Variants in GTF3A observed in about 807,000 individuals in gnomAD.
The protein encoded by GTF3A is general transcription factor IIIA, also known as transcription factor IIIA.
A neutral mutation model predicts 37.6 loss-of-function variants in GTF3A; 40 were observed. The ratio of observed to expected loss-of-function variants is 1.06; its 90% CI spans 0.83 to 1.38. The LOEUF is 1.38. Ranked by LOEUF, GTF3A falls within the 40% of genes most tolerant of loss-of-function variation. The pLI, the probability that GTF3A is intolerant of heterozygous loss-of-function variation, is 0.00. For missense variants in GTF3A, 500 were observed against 462.6 expected (o/e 1.08, Z -0.74); for synonymous variants, 191 against 166.7 (o/e 1.15, Z -1.12).
chr13:27,434,338 T>C (rs908674715), intron 6 of GTF3A, 119 bp downstream of exon 6: 17 of 706,618 alleles, frequency 2.4e-5, no homozygotes, highest in Middle Eastern at 2.4e-4. Context: ...CTATGATATT[T>C]TGTGAAGTGC....
intron 1 of GTF3A, chr13:27,426,193 C>G (rs1953604290): frequency 1.3e-5 from 2 of 152,258 alleles, no homozygotes; most frequent in Middle Eastern, 3.2e-3. Context: ...ATTTTGGATA[C>G]TGGCGCTACC....
intron 1 of GTF3A, 66 bp from the exon 2 acceptor site, chr13:27,427,026 C>G: frequency 1.2e-6 from 1 of 851,866 alleles, no homozygotes; most frequent in South Asian, 1.4e-5. Context: ...GCAGTTTAAG[C>G]TTTTAAATAA....
At chr13:27,428,766 T>TGAAATACA (rs1157536637) in intron 2 of GTF3A, among the ~76,000 whole-genome samples, 2 of 152,220 alleles carry the variant, frequency 1.3e-5, no homozygotes, top group Non-Finnish European at 2.9e-5. Context: ...CTTGTGCGAC[T>TGAAATACA]GAAATACAGA....
At position 27,424,729 on chromosome 13, in the gene GTF3A, G is replaced by A. The variant is rs1015054738; in HGVS notation, c.-9G>A. The A allele has an allele frequency of 6.9e-7, 1 of 1,438,938 alleles. No individual in the cohort carries two copies. The highest frequency in any genetic ancestry group is 9.1e-7 in the Non-Finnish European group (1 of 1,099,986). The allele number at this position is 1,438,938 out of a possible 1,614,324, so 89.1% of individuals were successfully genotyped here. A position where few individuals can be genotyped will look rare whatever the true frequency, so the allele number is the denominator to read the frequency against. On this transcript the variant is annotated 5_prime_UTR_variant, in exon 1 of 9. Coordinates refer to ENST00000381140, the MANE Select transcript of GTF3A (RefSeq NM_002097.3). ...CGCGCCTGGCCCTGGGCTTGGAGGC[G>A]CCGGCGCCCTGGATCCGCCGGCCGT...
At position 27,424,844 on chromosome 13, in the gene GTF3A, T is replaced by C. The variant is rs1395315431; in HGVS notation, c.107T>C (p.Leu36Pro). ...GCTCCGACCCCGCCGCGCCCCGCGC[T>C]TCCCAGGAGGTTCATCTGCTCCTTC... Residue 36 changes from leucine (L) to proline (P), a missense_variant, in exon 1 of 9, where the codon CTT (leucine) becomes CCT (proline). Physicochemically the swap from Leu to Pro is moderately conservative, Grantham distance 98. Transcript: ENST00000381140. 5.2e-6 allele frequency: 8 copies of C among 1,550,814 alleles called. No individual in the cohort carries two copies. The highest frequency in any genetic ancestry group is 7.0e-6 in the Non-Finnish European group (8 of 1,146,790).
At chr13:27,425,300 G>A (rs1035747305) in intron 1 of GTF3A, 13 of 236,364 alleles carry the variant, frequency 5.5e-5, no homozygotes, top group African/African-American at 2.9e-4. Flanking sequence ...TGTACCAGGG[G>A]TCGTGAAAGC....
rs772052797 is a variant in GTF3A at position 27,435,762 on chromosome 13, T to A, written c.*165T>A. ...CCTGGGTCTCTTGAGTTTCTTTATA[T>A]GCCTTCTCCTCATTTTTGCTGAAAG... On this transcript the variant is annotated 3_prime_UTR_variant, in exon 9 of 9. Coordinates refer to ENST00000381140, the MANE Select transcript of GTF3A (RefSeq NM_002097.3). The A allele has an allele frequency of 5.6e-6, 9 of 1,614,062 alleles. No homozygotes were observed. The Admixed American group carries it at 8.3e-5, about 15-fold the overall frequency.
At chr13:27,435,229 G>T (rs773963403) in intron 8 of GTF3A, 37 bp downstream of exon 8, 1 of 1,539,770 alleles carries the variant, frequency 6.5e-7, no homozygotes, top group Non-Finnish European at 8.8e-7. Context: ...TAGTTTTCAA[G>T]TGGAAATTGT....
intron 1 of GTF3A, chr13:27,425,363 C>G (rs1953596514): frequency 6.0e-6 from 1 of 166,356 alleles, no homozygotes; most frequent in South Asian, 1.6e-4. Flanking sequence ...GTGAGCAAAA[C>G]AGGCAAACCC....
chr13:27,430,763 CT>C, intron 4 of GTF3A, 142 bp downstream of exon 4: 1 of 602,856 alleles, frequency 1.7e-6, no homozygotes, highest in East Asian at 2.8e-5. Context: ...CCTTTGCCCA[CT>C]TTTCGATGGA....
intron 4 of GTF3A, among the ~76,000 whole-genome samples, chr13:27,431,805 C>T (rs1026623177): frequency 6.6e-6 from 1 of 152,214 alleles, no homozygotes; most frequent in Non-Finnish European, 1.5e-5. Context: ...GACAAATCTT[C>T]TGAAAGCTTC....
At position 27,427,141 on chromosome 13, in the gene GTF3A, A is replaced by G; in HGVS notation, c.251A>G (p.Asp84Gly). 6.2e-7 allele frequency: 1 copy of G among 1,608,602 alleles called. No individual in the cohort carries two copies. Among genetic ancestry groups the G allele is most frequent in the Non-Finnish European group, 8.5e-7 (1 of 1,175,478 alleles). The stretch of plus-strand genomic sequence containing the variant: ...GGGTGTGGCAAGGCCTTCATCAGGG[A>G]CTACCATCTGAGCCGCCACATTCTG... The change falls in exon 2 of 9, where the codon GAC (aspartate) becomes GGC (glycine). Residue 84 changes from aspartate to glycine, a missense_variant. Transcript: ENST00000381140.
chr13:27,433,104 T>C (rs1185569850), intron 5 of GTF3A, among the ~76,000 whole-genome samples: 1 of 152,014 alleles, frequency 6.6e-6, no homozygotes, highest in Non-Finnish European at 1.5e-5. Context: ...ATTTTTAACC[T>C]CTTCTATTAA....
rs746093903 is a variant in GTF3A, at chr13:27,434,889, G to C, written c.728G>C (p.Arg243Thr). The C allele has an allele frequency of 1.9e-6, 3 of 1,612,906 alleles. No individual in the cohort carries two copies. The highest frequency in any genetic ancestry group is 2.5e-6 in the Non-Finnish European group (3 of 1,178,912). ...CACATGAAAACTCATGCCCCAGAAA[G>C]GGATGTATGTCGCTGTCCAAGAGAA... The change falls in exon 7 of 9, where the codon AGG becomes ACG. Residue 243 changes from arginine (R) to threonine (T), a missense_variant. Physicochemically the swap from Arg to Thr is moderately conservative, Grantham distance 71. Coordinates refer to ENST00000381140, the MANE Select transcript of GTF3A (RefSeq NM_002097.3).
intron 5 of GTF3A, among the ~76,000 whole-genome samples, chr13:27,433,249 A>G (rs1357796932): frequency 6.6e-6 from 1 of 150,420 alleles, no homozygotes; most frequent in Non-Finnish European, 1.5e-5. Flanking sequence ...TAACTATTTG[A>G]ATCTATGATC....
intron 5 of GTF3A, among the ~76,000 whole-genome samples, 200 bp from the exon 6 acceptor site, chr13:27,433,939 G>A (rs933743756): frequency 3.9e-5 from 6 of 152,148 alleles, no homozygotes; most frequent in Admixed American, 2.0e-4. Flanking sequence ...ATCCTTAAAG[G>A]GAGGCACCTT....
intron 1 of GTF3A, chr13:27,425,288 C>A: frequency 3.8e-6 from 1 of 261,722 alleles, no homozygotes; most frequent in Non-Finnish European, 7.3e-6. Flanking sequence ...AGATGGGTTA[C>A]ATGTACCAGG....
At chr13:27,425,748 A>C (rs1953600529) in intron 1 of GTF3A, 1 of 152,180 alleles carries the variant, frequency 6.6e-6, no homozygotes, top group African/African-American at 2.4e-5. Flanking sequence ...CCAGCTTCCC[A>C]GTTTTTGGCA....
chr13:27,427,068 A>G (rs767978982), intron 1 of GTF3A, 24 bp from the exon 2 acceptor site: 13 of 1,239,338 alleles, frequency 1.0e-5, no homozygotes, highest in African/African-American at 8.8e-5. Flanking sequence ...CAGAAGTGAC[A>G]TGCTTTTTCT....
Sources: gnomAD v4.1 joint callset for allele counts (sites outside exome capture counted in the v4.1 genomes callset) on GRCh38, gnomAD v4.1.1 for gene constraint, MANE v1.5 for transcripts, NCBI Gene and HGNC (gene_info 2026-07-23, HGNC 2026-07-21) for gene names.